The following INTS4 variants were observed in gnomAD, a reference collection of about 807,000 sequenced individuals.
The protein encoded by INTS4 is MSTP093.
Under a neutral mutation model 119.5 loss-of-function variants are expected in INTS4, and 70 were observed. The observed-to-expected ratio is 0.59, with a 90% CI of 0.48 to 0.71. INTS4 has a LOEUF of 0.71. Among genes scored for constraint, INTS4 ranks in the 30% least tolerant of loss-of-function variants. The pLI, the probability that INTS4 is intolerant of heterozygous loss-of-function variation, is 0.00. For missense variants in INTS4, 867 were observed against 1,173.2 expected, an observed-to-expected ratio of 0.74 and a Z score of 3.81; for synonymous variants, 316 against 419.6, an observed-to-expected ratio of 0.75 and a Z score of 3.02.
chr11:77,944,768 A>G (rs1256715478), intron 8 of INTS4, among the ~76,000 whole-genome samples: 2 of 152,222 alleles, frequency 1.3e-5, no homozygotes, highest in African/African-American at 4.8e-5. Flanking sequence ...AGCACTTCAC[A>G]TTTTGGATTT....
intron 19 of INTS4, among the ~76,000 whole-genome samples, chr11:77,893,891 T>TTAAATAAAGAAA (rs1952389893): frequency 7.3e-6 from 1 of 137,868 alleles, no homozygotes; most frequent in African/African-American, 2.7e-5. Context: ...AGACTCTGTC[T>TTAAATAAAGAAA]TAAATAAATA....
Position 77,928,422 on chromosome 11 carries a change from A to G in INTS4, c.1291T>C (p.Ser431Pro). ...NDEIEEVRLQ[S>P]IHTMRKISNN... ...GAGATTTTTCTCATGGTATGTATAG[A>G]CTGCAGACGTACTTCCTCAATTTCA... Residue 431 changes from serine to proline, a missense_variant, in exon 11 of 23, where the codon TCT becomes CCT. Physicochemically the swap from Ser to Pro is moderately conservative, Grantham distance 74 (BLOSUM62 -1). Coordinates refer to ENST00000534064, the MANE Select transcript of INTS4 (RefSeq NM_033547.4). The G allele has an allele frequency of 6.2e-7, 1 of 1,610,964 alleles. No homozygotes were observed. Among genetic ancestry groups the G allele is most frequent in the Non-Finnish European group, 8.5e-7 (1 of 1,177,620 alleles).
At chr11:77,986,399 T>C (rs906710913) in intron 2 of INTS4, among the ~76,000 whole-genome samples, 6 of 152,254 alleles carry the variant, frequency 3.9e-5, no homozygotes, top group African/African-American at 1.4e-4. Context: ...GGAGTGTAAA[T>C]TAGTTCAACC....
chr11:77,879,647 G>A (rs1951717047), intron 22 of INTS4, among the ~76,000 whole-genome samples: 2 of 152,130 alleles, frequency 1.3e-5, no homozygotes, highest in Non-Finnish European at 2.9e-5. Context: ...TAAAATGTCT[G>A]AAAACATCTC....
intron 16 of INTS4, 59 bp downstream of exon 16, chr11:77,907,658 G>T: frequency 1.6e-6 from 2 of 1,250,128 alleles, no homozygotes; most frequent in Non-Finnish European, 2.3e-6. Context: ...ACACACTGCT[G>T]GATCCACAAA....
intron 8 of INTS4, among the ~76,000 whole-genome samples, chr11:77,949,605 CAT>C (rs1954138106): frequency 6.7e-6 from 1 of 150,276 alleles, no homozygotes; most frequent in Admixed American, 6.6e-5. Flanking sequence ...GACCAACAAA[CAT>C]ATGAAAGAAA....
At chr11:77,877,565 T>C (rs1306653605), downstream of INTS4, among the ~76,000 whole-genome samples, 1 of 152,216 alleles carries the variant, frequency 6.6e-6, no homozygotes, top group Non-Finnish European at 1.5e-5. Context: ...ATACTTCCCC[T>C]GAGGTGGTAT....
rs200517439 is a variant in INTS4 at position 77,894,254 on chromosome 11, A to G, written c.2288+36T>C. 7.8e-6 allele frequency: 9 copies of G among 1,157,090 alleles called. No homozygotes were observed. The African/African-American group carries it at 1.2e-4, about 16-fold the overall frequency. 71.7% of individuals were successfully genotyped at this position (1,157,090 alleles called of 1,614,324 possible). ...GCAAGTGCTATACTCCATGTAACCA[A>G]GATTTAATAAGCCAGAAGAGTTATA... is the stretch of plus-strand genomic sequence containing the variant. On this transcript the variant is annotated intron_variant, in intron 19 of 22. Transcript: ENST00000534064.
At chr11:77,919,723 T>C (rs1953292981) in intron 14 of INTS4, among the ~76,000 whole-genome samples, 1 of 152,246 alleles carries the variant, frequency 6.6e-6, no homozygotes, top group Admixed American at 6.5e-5. Context: ...ACAGATATAC[T>C]TATTCTTACT....
intron 18 of INTS4, among the ~76,000 whole-genome samples, chr11:77,894,860 A>AT (rs1423554392): frequency 6.6e-6 from 1 of 152,202 alleles, no homozygotes; most frequent in African/African-American, 2.4e-5. Context: ...CAGCCATTGT[A>AT]TCGGCATCTG....
At chr11:77,987,714 A>G in intron 2 of INTS4, 1 of 440,342 alleles carries the variant, frequency 2.3e-6, no homozygotes, top group Non-Finnish European at 4.6e-6. Context: ...AAAAAAATTA[A>G]AAAGAAAAAA....
chr11:77,963,327 C>T, intron 4 of INTS4: 1 of 357,410 alleles, frequency 2.8e-6, no homozygotes, highest in South Asian at 2.0e-5. Context: ...GCTTTTCTGG[C>T]CGGGCGCAGA....
At chr11:77,932,772 G>C (rs1953684062) in intron 10 of INTS4, among the ~76,000 whole-genome samples, 1 of 152,098 alleles carries the variant, frequency 6.6e-6, no homozygotes, top group Admixed American at 6.5e-5. Flanking sequence ...ATACCACGCA[G>C]CCATAAAAAA....
At chr11:77,933,361 T>C (rs549122445) in intron 10 of INTS4, among the ~76,000 whole-genome samples, 66 of 150,726 alleles carry the variant, frequency 4.4e-4, no homozygotes, top group African/African-American at 1.6e-3. Flanking sequence ...TGCCTGGGAT[T>C]GCAGGCGCGC....
At chr11:77,961,727 C>A (rs1954482055) in intron 4 of INTS4, among the ~76,000 whole-genome samples, 1 of 152,174 alleles carries the variant, frequency 6.6e-6, no homozygotes, top group Non-Finnish European at 1.5e-5. Context: ...TTTATGAAAT[C>A]AAATAGCATC....
Position 77,991,099 on chromosome 11 carries a change from T to C in INTS4, c.246+9A>G. 6.2e-7 allele frequency: 1 copy of C among 1,611,800 alleles called. No individual in the cohort carries two copies. Among genetic ancestry groups the C allele is most frequent in the Non-Finnish European group, 8.5e-7 (1 of 1,178,006 alleles). On this transcript the variant is annotated intron_variant, in intron 2 of 22. Transcript: ENST00000534064. ...ATATACTCCCATCAGATCCTCAAGA[T>C]TTTCTTACCTTGTAATAATGTTCCA...
At chr11:77,923,766 G>GTTT (rs201749638) in intron 12 of INTS4, among the ~76,000 whole-genome samples, 2 of 136,262 alleles carry the variant, frequency 1.5e-5, no homozygotes, top group Non-Finnish European at 1.6e-5. Flanking sequence ...ATTGTTTATG[G>GTTT]TTTTTTTTTT....
At chr11:77,915,917 A>T (rs17135969) in intron 15 of INTS4, among the ~76,000 whole-genome samples, 20,017 of 152,196 alleles carry the variant, frequency 0.13, 1,519 homozygotes, top group East Asian at 0.26. Flanking sequence ...AATGCAAGAC[A>T]TGGTTCTGGA....
Position 77,924,771 on chromosome 11 carries a change from G to C in INTS4, c.1493C>G (p.Thr498Ser). ...ELLKNLTKYP[T>S]DRDSIWKCLK... is the part of the protein sequence containing the mutation. ...TTACTTCCATATGGAGTCCCTATCA[G>C]TAGGGTACTTGGTTAAATTTTTCAG... Residue 498 changes from threonine to serine, a missense_variant, in exon 12 of 23, where the codon ACT (threonine) becomes AGT (serine). Transcript: ENST00000534064. 4 of 1,608,904 alleles carry C rather than the reference G, an allele frequency of 2.5e-6. No individual in the cohort carries two copies. Among genetic ancestry groups the C allele is most frequent in the Admixed American group, 1.7e-5 (1 of 59,970 alleles).
Sources: allele counts gnomAD v4.1 joint callset (sites outside exome capture counted in the v4.1 genomes callset), GRCh38; gene constraint gnomAD v4.1.1; transcripts MANE v1.5; gene names NCBI Gene and HGNC (gene_info 2026-07-23, HGNC 2026-07-21).